CLEC5A: variants seen among roughly 807,000 people sequenced by gnomAD.
CLEC5A encodes the protein C-type lectin domain containing 5A, also known as C-type lectin domain family 5 member A.
Under a neutral mutation model 24.4 loss-of-function variants are expected in CLEC5A, and 15 were observed. The observed-to-expected ratio is 0.62, with a 90% CI of 0.41 to 0.95. CLEC5A has a LOEUF of 0.95. Among genes scored for constraint, CLEC5A ranks in the 40% least tolerant of loss-of-function variants. CLEC5A has a pLI of 0.00. For synonymous variants in CLEC5A, 71 were observed against 72.6 expected, an observed-to-expected ratio of 0.98 and a Z score of 0.11; for missense variants, 211 against 224.0, an observed-to-expected ratio of 0.94 and a Z score of 0.37.
Position 141,936,351 on chromosome 7 carries a change from G to C in CLEC5A, c.209-401C>G, listed in dbSNP as rs1343588881. On this transcript the variant is annotated intron_variant, in intron 4 of 6. Transcript: ENST00000546910. ...CTGACACCACCCCCACCCTATCCCTGCTGCAGTGACAGCATGGCATGGTAA... is the reference window on the plus strand; with the variant it reads ...CTGACACCACCCCCACCCTATCCCTCCTGCAGTGACAGCATGGCATGGTAA... The C allele has an allele frequency of 1.2e-5, 3 of 257,244 alleles. No homozygotes were observed. The Admixed American group carries it at 1.6e-4, about 14-fold the overall frequency. The allele number at this position is 257,244 out of a possible 1,614,324, so 15.9% of individuals were successfully genotyped here.
In CLEC5A at chr7:141,945,377, T is replaced by C. The variant is rs1802922460; in HGVS notation, c.103A>G (p.Asn35Asp). 6.2e-7 allele frequency: 1 copy of C among 1,613,238 alleles called. No individual in the cohort carries two copies. The highest frequency in any genetic ancestry group is 1.7e-5 in the Admixed American group (1 of 59,952). The part of the protein sequence containing the change: ...LYFPQIFNKS[N>D]DGFTTTRSYG... Reference sequence around the variant, plus strand: ...CTCCTGGTGGTGGTGAAACCATCGTTACTTTTGTTAAAAATCTGTGGGACT... The same window carrying C: ...CTCCTGGTGGTGGTGAAACCATCGTCACTTTTGTTAAAAATCTGTGGGACT... Residue 35 changes from asparagine (N) to aspartate (D), a missense_variant, in exon 3 of 7, where the codon AAC becomes GAC. Asn to Asp is a conservative substitution (Grantham distance 23). Transcript: ENST00000546910.
intron 4 of CLEC5A, among the ~76,000 whole-genome samples, chr7:141,938,262 A>G (rs1802688446): frequency 6.6e-6 from 1 of 152,218 alleles, no homozygotes; most frequent in Admixed American, 6.5e-5. Flanking sequence ...AGGAAACTCA[A>G]AGAAATTCAA....
At chr7:141,946,068 T>C in intron 2 of CLEC5A, 146 bp downstream of exon 2, 1 of 767,174 alleles carries the variant, frequency 1.3e-6, no homozygotes, top group Non-Finnish European at 2.1e-6. Flanking sequence ...GAGAAAGGCA[T>C]TGCCAATTGA....
chr7:141,936,303 G>A (rs782244817), intron 4 of CLEC5A: 1 of 298,892 alleles, frequency 3.3e-6, no homozygotes, highest in South Asian at 3.2e-5. Flanking sequence ...ACTGCAGAGG[G>A]TAGGAAAGAT....
At position 141,928,222 on chromosome 7, in the gene CLEC5A, C is replaced by T. The variant is rs142033792; in HGVS notation, c.*1882G>A. On this transcript the variant is annotated 3_prime_UTR_variant, in exon 7 of 7. Coordinates refer to ENST00000546910, the MANE Select transcript of CLEC5A (RefSeq NM_013252.3). ...CCAGGCCATTGGGCTCCTTTTAGAA[C>T]CTGCACAGAAGTGTCTCCTAATCTT... 2 of 152,542 alleles carry T rather than the reference C, an allele frequency of 1.3e-5. No individual in the cohort carries two copies. Among genetic ancestry groups the T allele is most frequent in the African/African-American group, 4.8e-5 (2 of 41,426 alleles). 9.4% of individuals were successfully genotyped at this position (152,542 alleles called of 1,614,324 possible).
intron 4 of CLEC5A, among the ~76,000 whole-genome samples, chr7:141,942,401 T>C (rs1554441711): frequency 6.6e-6 from 1 of 152,086 alleles, no homozygotes; most frequent in Non-Finnish European, 1.5e-5. Context: ...GAGACCCTTA[T>C]CTCTTGACAT....
intron 5 of CLEC5A, among the ~76,000 whole-genome samples, chr7:141,934,271 G>C (rs1272189974): frequency 4.6e-5 from 7 of 152,194 alleles, no homozygotes; most frequent in Admixed American, 3.9e-4. Flanking sequence ...GAAGAATTCT[G>C]AAGAAATCCA....
chr7:141,929,800 C>G lies in CLEC5A; in HGVS notation c.*304G>C. 1 of 272,212 alleles carries G rather than the reference C, an allele frequency of 3.7e-6. No individual in the cohort carries two copies. The highest frequency in any genetic ancestry group is 7.0e-6 in the Non-Finnish European group (1 of 142,858). 16.9% of individuals were successfully genotyped at this position (272,212 alleles called of 1,614,324 possible). On this transcript the variant is annotated 3_prime_UTR_variant, in exon 7 of 7. Transcript: ENST00000546910. ...AGTTACTCCCTAGTAGTATGGTATA[C>G]TCTGAGGCTAAAATAAAACAAACCC...
chr7:141,936,793 T>C (rs1007040315), intron 4 of CLEC5A, among the ~76,000 whole-genome samples: 1 of 152,012 alleles, frequency 6.6e-6, no homozygotes, highest in South Asian at 2.1e-4. Flanking sequence ...AAAGAGACCC[T>C]TTCTTTCTGC....
intron 5 of CLEC5A, among the ~76,000 whole-genome samples, chr7:141,933,575 C>CATATATATATATATATATATATAT (rs3043785): frequency 1.7e-5 from 2 of 115,230 alleles, no homozygotes; most frequent in African/African-American, 4.2e-5. Flanking sequence ...AGGGAGCAGG[C>CATATATATATATATATATATATAT]ATATATATAT....
At chr7:141,932,578 A>G (rs1007869163) in intron 5 of CLEC5A, among the ~76,000 whole-genome samples, 2 of 152,194 alleles carry the variant, frequency 1.3e-5, no homozygotes, top group African/African-American at 4.8e-5. Context: ...CTTTTCTGAA[A>G]TATCTTATTT....
chr7:141,946,263 A>T lies in CLEC5A; in HGVS notation c.30T>A (p.Leu10=). MNWHMIISG[L]IVVVLKVVGM... The stretch of plus-strand genomic sequence containing the variant: ...CAACAACTTTAAGCACTACCACAAT[A>T]AGCCCAGAGATGATCATGTGCCAGT... The change falls in exon 2 of 7, where the codon CTT becomes CTA. Residue 10 remains leucine (L), a synonymous_variant. Transcript: ENST00000546910. The T allele has an allele frequency of 6.4e-7, 1 of 1,572,688 alleles. No individual in the cohort carries two copies. Among genetic ancestry groups the T allele is most frequent in the South Asian group, 1.2e-5 (1 of 85,556 alleles).
chr7:141,934,257 A>G (rs1195614036), intron 5 of CLEC5A, among the ~76,000 whole-genome samples: 1 of 152,214 alleles, frequency 6.6e-6, no homozygotes, highest in Non-Finnish European at 1.5e-5. Context: ...AAGGAGATGG[A>G]TTAGAAGAAT....
chr7:141,943,474 G>T (rs1554441805), intron 4 of CLEC5A, among the ~76,000 whole-genome samples: 2 of 151,820 alleles, frequency 1.3e-5, no homozygotes, highest in East Asian at 1.9e-4. Flanking sequence ...CTTGTTAATG[G>T]GTACTAAAAA....
In CLEC5A at chr7:141,931,561, A is replaced by C. The variant is rs1368157251; in HGVS notation, c.452+159T>G. 1.3e-5 allele frequency: 7 copies of C among 543,100 alleles called. No homozygotes were observed. In the African/African-American group the frequency reaches 1.4e-4, roughly 11 times the overall value. The allele number at this position is 543,100 out of a possible 1,614,324, so 33.6% of individuals were successfully genotyped here. On this transcript the variant is annotated intron_variant, in intron 6 of 6. Transcript: ENST00000546910. ...TCTCTTTCATAAGAAAACATTTATT[A>C]AAATGTGTCTCAGGGAATAGATGGG...
chr7:141,946,896 C>T lies in CLEC5A; in HGVS notation c.-110G>A, dbSNP rs1802971908. ...GTGTGGCAGGCAGGGGCCCCGTCTC[C>T]TGAGAATATGCTCCTTTTGCCCAAG... On this transcript the variant is annotated 5_prime_UTR_variant, in exon 1 of 7. Coordinates refer to ENST00000546910, the MANE Select transcript of CLEC5A (RefSeq NM_013252.3). 1 of 152,502 alleles carries T rather than the reference C, an allele frequency of 6.6e-6. No individual in the cohort carries two copies. Among genetic ancestry groups the T allele is most frequent in the African/African-American group, 2.4e-5 (1 of 41,454 alleles). 9.4% of individuals were successfully genotyped at this position (152,502 alleles called of 1,614,324 possible).
At chr7:141,943,790 T>G (rs138110885) in intron 4 of CLEC5A, 106 bp downstream of exon 4, 1 of 820,520 alleles carries the variant, frequency 1.2e-6, no homozygotes, top group East Asian at 2.5e-5. Context: ...TATGGTCCCT[T>G]TGAGCAAAAA....
intron 4 of CLEC5A, among the ~76,000 whole-genome samples, chr7:141,938,793 C>G (rs1213065375): frequency 6.6e-6 from 1 of 152,130 alleles, no homozygotes; most frequent in Non-Finnish European, 1.5e-5. Context: ...TGGTAGCAGA[C>G]CCACAGCGTT....
chr7:141,928,903 T>A lies in CLEC5A; in HGVS notation c.*1201A>T, dbSNP rs145970595. On this transcript the variant is annotated 3_prime_UTR_variant, in exon 7 of 7. Transcript: ENST00000546910. The stretch of plus-strand genomic sequence containing the variant: ...AAACACAAAAGGCATCTCTTTTCTC[T>A]TTCTTATGCACCAAGCAGAGTATAT... 3.3e-5 allele frequency: 5 copies of A among 152,306 alleles called. No homozygotes were observed. Among genetic ancestry groups the A allele is most frequent in the Non-Finnish European group, 5.9e-5 (4 of 68,016 alleles). The allele number at this position is 152,306 out of a possible 1,614,324, so 9.4% of individuals were successfully genotyped here. A position where few individuals can be genotyped will look rare whatever the true frequency, so the allele number is the denominator to read the frequency against.
Sources: allele counts gnomAD v4.1 joint callset (sites outside exome capture counted in the v4.1 genomes callset), GRCh38; gene constraint gnomAD v4.1.1; transcripts MANE v1.5; gene names NCBI Gene and HGNC (gene_info 2026-07-23, HGNC 2026-07-21).